MYOM1: variants seen among roughly 807,000 people sequenced by gnomAD.
MYOM1 encodes the protein myomesin 1.
In MYOM1, 164 loss-of-function variants were observed where a neutral mutation model predicts 205.3. That is an observed-to-expected ratio of 0.80 (90% CI 0.70 to 0.91). The LOEUF (loss-of-function observed/expected upper bound fraction) is 0.91. MYOM1 is among the 40% of genes least tolerant of loss of function. MYOM1 has a pLI of 0.00. For missense variants in MYOM1, 2,011 were observed against 2,127.3 expected (o/e 0.95, Z 1.08); for synonymous variants, 772 against 789.4 (o/e 0.98, Z 0.37).
chr18:3,086,030 T>C lies in MYOM1; in HGVS notation c.4251+8A>G, dbSNP rs2079148854. On this transcript the variant is annotated splice_region_variant and intron_variant, in intron 30 of 37. Transcript: ENST00000356443. ...AATATATTACATTTTACATTTATAA[T>C]CGCCTACCTCTGTTATAAGCAGGGT... The C allele has an allele frequency of 6.5e-7, 1 of 1,536,786 alleles. No homozygotes were observed. Among genetic ancestry groups the C allele is most frequent in the African/African-American group, 1.4e-5 (1 of 73,598 alleles).
At chr18:3,193,690 G>T in intron 3 of MYOM1, 128 bp downstream of exon 3, 1 of 958,776 alleles carries the variant, frequency 1.0e-6, no homozygotes, top group Non-Finnish European at 1.5e-6. Context: ...AATCTAACAA[G>T]TGCTCAATAA....
intron 2 of MYOM1, among the ~76,000 whole-genome samples, chr18:3,211,396 C>T (rs983749248): frequency 3.3e-5 from 5 of 152,006 alleles, no homozygotes; most frequent in African/African-American, 1.2e-4. Flanking sequence ...CTTGAAAATC[C>T]GATGAAAACT....
rs1479015100 is a variant in MYOM1, at chr18:3,075,754, A to G, written c.4656T>C (p.Asp1552=). The G allele has an allele frequency of 1.3e-6, 2 of 1,591,996 alleles. No individual in the cohort carries two copies. Among genetic ancestry groups the G allele is most frequent in the East Asian group, 2.3e-5 (1 of 44,202 alleles). ...ACCTCTGGAATTCAGCATAGGCCTCATCGTATGCTTTAAAAGAAAAAAGAA... is the reference window on the plus strand; with the variant it reads ...ACCTCTGGAATTCAGCATAGGCCTCGTCGTATGCTTTAAAAGAAAAAAGAA... The part of the protein sequence containing the change: ...KTVDLSGQAY[D]EAYAEFQRLK... Residue 1552 remains aspartate (D), a synonymous_variant, in exon 35 of 38, where the codon GAT becomes GAC. Coordinates refer to ENST00000356443, the MANE Select transcript of MYOM1 (RefSeq NM_003803.4).
intron 10 of MYOM1, among the ~76,000 whole-genome samples, chr18:3,160,947 G>C (rs997024740): frequency 6.6e-6 from 1 of 152,112 alleles, no homozygotes; most frequent in African/African-American, 2.4e-5. Context: ...ACTGGGTCAG[G>C]GTTCCTAGAA....
intron 8 of MYOM1, among the ~76,000 whole-genome samples, chr18:3,172,382 A>G (rs4798070): frequency 0.77 from 117,881 of 152,142 alleles, 46,020 homozygotes; most frequent in African/African-American, 0.87. Context: ...CAGAGAAGAG[A>G]GGAAAGGGAG....
Position 3,187,640 on chromosome 18 carries a change from G to GA in MYOM1, c.772-4dup, listed in dbSNP as rs1175954102. 1.3e-5 allele frequency: 20 copies of GA among 1,577,520 alleles called. No homozygotes were observed. The highest frequency in any genetic ancestry group is 1.6e-5 in the Non-Finnish European group (19 of 1,155,726). Reference sequence around the variant, plus strand: ...TGATATGTCTCGGTTTCTTCTAACTGAAAAAACAAATATGCAAACAAACAT... The same window carrying GA: ...TGATATGTCTCGGTTTCTTCTAACTGAAAAAAACAAATATGCAAACAAACAT... On this transcript the variant is annotated splice_polypyrimidine_tract_variant and splice_region_variant and intron_variant, in intron 4 of 37. Coordinates refer to ENST00000356443, the MANE Select transcript of MYOM1 (RefSeq NM_003803.4).
upstream of MYOM1, among the ~76,000 whole-genome samples, chr18:3,222,453 C>A (rs1013196144): frequency 6.6e-6 from 1 of 152,162 alleles, no homozygotes; most frequent in Non-Finnish European, 1.5e-5. Flanking sequence ...TCACAGGGAT[C>A]TTGAGTATCA....
intron 29 of MYOM1, 24 bp downstream of exon 29, chr18:3,089,150 A>G (rs768266242): frequency 1.2e-4 from 183 of 1,552,248 alleles, no homozygotes; most frequent in Admixed American, 1.7e-4. Context: ...TGAATCAAAT[A>G]TTAAAAATTT....
intron 9 of MYOM1, among the ~76,000 whole-genome samples, chr18:3,165,422 G>A (rs2080453752): frequency 6.6e-6 from 1 of 152,148 alleles, no homozygotes; most frequent in Admixed American, 6.6e-5. Flanking sequence ...TCAATTATAA[G>A]TGGTAATTTT....
At chr18:3,082,745 C>G (rs77554464) in intron 33 of MYOM1, among the ~76,000 whole-genome samples, 3,653 of 152,190 alleles carry the variant, frequency 0.024, 156 homozygotes, top group African/African-American at 0.084. Flanking sequence ...AATGGGAGGC[C>G]TGGTTTGATT....
intron 12 of MYOM1, 95 bp downstream of exon 12, chr18:3,151,599 A>G: frequency 9.4e-7 from 1 of 1,065,032 alleles, no homozygotes; most frequent in South Asian, 1.9e-5. Context: ...GTCTCCCTCT[A>G]GTGGAAGGGA....
At chr18:3,095,735 G>T (rs2079294973) in intron 25 of MYOM1, among the ~76,000 whole-genome samples, 1 of 150,756 alleles carries the variant, frequency 6.6e-6, no homozygotes, top group Non-Finnish European at 1.5e-5. Flanking sequence ...ACGTCTGGGT[G>T]GTGGAGCTGA....
intron 13 of MYOM1, among the ~76,000 whole-genome samples, chr18:3,144,024 G>A (rs553406409): frequency 1.3e-5 from 2 of 151,252 alleles, no homozygotes; most frequent in East Asian, 1.9e-4. Context: ...GACTAACACA[G>A]TGAAACCCCA....
intron 5 of MYOM1, among the ~76,000 whole-genome samples, chr18:3,186,896 A>G (rs909338194): frequency 7.3e-5 from 11 of 151,540 alleles, no homozygotes; most frequent in African/African-American, 2.7e-4. Flanking sequence ...AAGAAAGAGA[A>G]AGAAGGAAGG....
Position 3,094,883 on chromosome 18 carries a change from G to A in MYOM1, c.3728-577C>T, listed in dbSNP as rs148322176. On this transcript the variant is annotated intron_variant, in intron 25 of 37. Transcript: ENST00000356443. ...CTCACTATGTTGCCCAGGTGGTCTTGAACTCCTAACCTCAAGTGATCCTCC... is the reference window on the plus strand; with the variant it reads ...CTCACTATGTTGCCCAGGTGGTCTTAAACTCCTAACCTCAAGTGATCCTCC... Among the ~76,000 whole-genome samples the A allele has an allele frequency of 2.4e-4, 37 of 151,940 alleles. No individual in the cohort carries two copies. In the East Asian group the frequency reaches 7.0e-3, roughly 29 times the overall value.
At chr18:3,138,007 T>C (rs935460432) in intron 14 of MYOM1, among the ~76,000 whole-genome samples, 1 of 152,128 alleles carries the variant, frequency 6.6e-6, no homozygotes, top group African/African-American at 2.4e-5. Flanking sequence ...GAATAATTAA[T>C]GGGAAAATTA....
chr18:3,085,817 C>T (rs1225904058), intron 30 of MYOM1, among the ~76,000 whole-genome samples: 1 of 152,152 alleles, frequency 6.6e-6, no homozygotes, highest in African/African-American at 2.4e-5. Flanking sequence ...AAAAGCAACT[C>T]AGAAAAGCAA....
intron 34 of MYOM1, among the ~76,000 whole-genome samples, chr18:3,076,604 T>C (rs2079023235): frequency 6.6e-6 from 1 of 152,084 alleles, no homozygotes; most frequent in Non-Finnish European, 1.5e-5. Context: ...TATGCCATGA[T>C]GGAGAGGGGA....
At chr18:3,183,091 G>T (rs759155264) in intron 5 of MYOM1, among the ~76,000 whole-genome samples, 1 of 151,824 alleles carries the variant, frequency 6.6e-6, no homozygotes, top group Non-Finnish European at 1.5e-5. Flanking sequence ...CACCACACCC[G>T]GCTAATTTTG....
Sources: gnomAD v4.1 joint callset for allele counts (sites outside exome capture counted in the v4.1 genomes callset) on GRCh38, gnomAD v4.1.1 for gene constraint, MANE v1.5 for transcripts, NCBI Gene and HGNC (gene_info 2026-07-23, HGNC 2026-07-21) for gene names.